TLK1: variants seen among roughly 807,000 people sequenced by gnomAD.
TLK1 encodes tousled like kinase 1.
Under a neutral mutation model 105.3 loss-of-function variants are expected in TLK1, and 24 were observed. That is an observed-to-expected ratio of 0.23 (90% CI 0.17 to 0.32). The LOEUF (loss-of-function observed/expected upper bound fraction) is 0.32, where lower values mean the gene tolerates loss of function less well. Ranked by LOEUF, TLK1 falls within the 10% of genes least tolerant of loss-of-function variation. The probability of loss-of-function intolerance (pLI) is 1.00; values close to 1 mark genes in which losing one functional copy is unlikely to be tolerated. For synonymous variants in TLK1, 321 were observed against 310.4 expected, an observed-to-expected ratio of 1.03 and a Z score of -0.36; for missense variants, 558 against 910.5, an observed-to-expected ratio of 0.61 and a Z score of 4.98.
chr2:171,034,531 A>C (rs757857588), intron 11 of TLK1, among the ~76,000 whole-genome samples: 4 of 152,242 alleles, frequency 2.6e-5, no homozygotes, highest in Admixed American at 6.5e-5. Flanking sequence ...CATTCAGAAG[A>C]AGCAAATACA....
chr2:171,224,185 A>G (rs1396686387), intron 1 of TLK1, among the ~76,000 whole-genome samples: 1 of 152,142 alleles, frequency 6.6e-6, no homozygotes, highest in Non-Finnish European at 1.5e-5. Context: ...TTTTTCTAGC[A>G]CCATTTTTTG....
intron 2 of TLK1, among the ~76,000 whole-genome samples, chr2:171,099,001 T>A (rs1188783478): frequency 6.6e-6 from 1 of 152,200 alleles, no homozygotes; most frequent in African/African-American, 2.4e-5. Context: ...CACTCACAGC[T>A]TTCCTCTCTA....
At chr2:171,103,827 T>A (rs1007606782) in intron 2 of TLK1, among the ~76,000 whole-genome samples, 2 of 152,208 alleles carry the variant, frequency 1.3e-5, no homozygotes, top group African/African-American at 4.8e-5. Flanking sequence ...ATTTAAAAGT[T>A]CTATGTATAG....
intron 12 of TLK1, among the ~76,000 whole-genome samples, chr2:171,027,568 A>G (rs1685833306): frequency 1.3e-5 from 2 of 152,232 alleles, no homozygotes; most frequent in Non-Finnish European, 2.9e-5. Context: ...TCCTACGTAC[A>G]TCTTCTAATC....
chr2:171,127,871 CATAT>C (rs1690935305), intron 1 of TLK1, among the ~76,000 whole-genome samples: 1 of 152,058 alleles, frequency 6.6e-6, no homozygotes, highest in African/African-American at 2.4e-5. Flanking sequence ...CATCTATCTA[CATAT>C]ATAGATATAT....
chr2:171,120,678 T>G (rs1331905478), intron 1 of TLK1, among the ~76,000 whole-genome samples: 37 of 152,212 alleles, frequency 2.4e-4, no homozygotes. Context: ...ATTGGAATCC[T>G]TGTGCATCGC....
At chr2:171,150,351 T>C (rs961994918) in intron 1 of TLK1, among the ~76,000 whole-genome samples, 3 of 152,300 alleles carry the variant, frequency 2.0e-5, no homozygotes, top group Admixed American at 1.3e-4. Flanking sequence ...AGTTATAAAG[T>C]TAAAATTAAA....
At chr2:171,181,548 C>T (rs1692928467) in intron 1 of TLK1, among the ~76,000 whole-genome samples, 6 of 152,156 alleles carry the variant, frequency 3.9e-5, no homozygotes. Context: ...ATGGTGTCAG[C>T]ATCTGCTTCT....
intron 19 of TLK1, among the ~76,000 whole-genome samples, chr2:170,997,350 G>T (rs1423929030): frequency 6.6e-6 from 1 of 152,140 alleles, no homozygotes; most frequent in African/African-American, 2.4e-5. Flanking sequence ...CGGGGAAACT[G>T]CCCACCCAGG....
At chr2:171,165,467 C>T (rs1292039169), upstream of TLK1, among the ~76,000 whole-genome samples, 1 of 152,318 alleles carries the variant, frequency 6.6e-6, no homozygotes, top group East Asian at 1.9e-4. Flanking sequence ...GTTTAATAGA[C>T]TATTTTCTAT....
At chr2:171,005,142 T>C (rs908411287) in intron 18 of TLK1, among the ~76,000 whole-genome samples, 1 of 152,240 alleles carries the variant, frequency 6.6e-6, no homozygotes, top group South Asian at 2.1e-4. Flanking sequence ...TTATCTTTCT[T>C]CCATTAAAAT....
At chr2:171,149,430 T>C (rs957801700) in intron 1 of TLK1, among the ~76,000 whole-genome samples, 1 of 152,118 alleles carries the variant, frequency 6.6e-6, no homozygotes, top group Non-Finnish European at 1.5e-5. Flanking sequence ...GCAAAACCCT[T>C]GAAACTATTA....
At chr2:171,070,414 C>T (rs866365908) in intron 3 of TLK1, among the ~76,000 whole-genome samples, 25 of 152,088 alleles carry the variant, frequency 1.6e-4, no homozygotes, top group African/African-American at 5.8e-4. Context: ...ACCATTCCCC[C>T]TCCCCACCAC....
chr2:171,228,866 T>A (rs1272880399), intron 1 of TLK1, among the ~76,000 whole-genome samples: 1 of 152,196 alleles, frequency 6.6e-6, no homozygotes, highest in African/African-American at 2.4e-5. Flanking sequence ...CTGTGTTGCA[T>A]GTAGGATAAC....
chr2:171,129,405 C>T (rs1053243594), intron 1 of TLK1, among the ~76,000 whole-genome samples: 3 of 152,178 alleles, frequency 2.0e-5, no homozygotes, highest in Non-Finnish European at 4.4e-5. Flanking sequence ...AGAAGGGCCA[C>T]AGAACAGTTT....
chr2:171,138,764 T>C (rs1054183174), intron 1 of TLK1, among the ~76,000 whole-genome samples: 4 of 152,210 alleles, frequency 2.6e-5, no homozygotes, highest in Non-Finnish European at 4.4e-5. Context: ...ATACCACCCC[T>C]ACTTAACAAG....
At chr2:171,076,568 G>C (rs577112225) in intron 3 of TLK1, among the ~76,000 whole-genome samples, 1 of 151,972 alleles carries the variant, frequency 6.6e-6, no homozygotes, top group South Asian at 2.1e-4. Context: ...GCTACAAGAA[G>C]AACTGCAAAT....
At chr2:171,205,008 A>T (rs750832875) in intron 1 of TLK1, among the ~76,000 whole-genome samples, 1 of 152,036 alleles carries the variant, frequency 6.6e-6, no homozygotes, top group Non-Finnish European at 1.5e-5. Flanking sequence ...GGAAATTATG[A>T]TGTTAAATAA....
At chr2:171,175,265 A>C (rs979399805) in intron 1 of TLK1, among the ~76,000 whole-genome samples, 1 of 152,118 alleles carries the variant, frequency 6.6e-6, no homozygotes, top group Admixed American at 6.5e-5. Context: ...TATTCATGGT[A>C]TCTATATCCA....
Sources: allele counts gnomAD v4.1 joint callset (sites outside exome capture counted in the v4.1 genomes callset), GRCh38; gene constraint gnomAD v4.1.1; transcripts MANE v1.5; gene names NCBI Gene and HGNC (gene_info 2026-07-23, HGNC 2026-07-21).